The following MCUR1 variants were observed in gnomAD, a reference collection of about 807,000 sequenced individuals.
The protein encoded by MCUR1 is mitochondrial calcium uniporter regulator 1.
MCUR1 carries 37 observed loss-of-function variants against 42.0 expected under a neutral mutation model. The observed-to-expected ratio is 0.88, with a 90% CI of 0.68 to 1.16. MCUR1 has a LOEUF of 1.16. Ranked by LOEUF, MCUR1 falls within the 50% of genes most tolerant of loss-of-function variation. MCUR1 has a pLI of 0.00. For synonymous variants in MCUR1, 229 were observed against 196.2 expected (o/e 1.17, Z -1.40); for missense variants, 469 against 468.4 (o/e 1.00, Z -0.01).
At chr6:13,809,618 G>T (rs937831502) in intron 1 of MCUR1, among the ~76,000 whole-genome samples, 1 of 151,318 alleles carries the variant, frequency 6.6e-6, no homozygotes, top group South Asian at 2.1e-4. Flanking sequence ...ATTGGGTCAG[G>T]TGAACTAGTT....
chr6:13,801,019 A>G (rs772722537), intron 4 of MCUR1, among the ~76,000 whole-genome samples: 5 of 152,190 alleles, frequency 3.3e-5, no homozygotes, highest in Non-Finnish European at 5.9e-5. Flanking sequence ...GACACACAGT[A>G]TGATACCATC....
At position 13,787,477 on chromosome 6, in the gene MCUR1, C is replaced by G. The variant is rs1030139496; in HGVS notation, c.*3332G>C. 5 of 152,170 alleles carry G rather than the reference C, an allele frequency of 3.3e-5. No individual in the cohort carries two copies. The allele number at this position is 152,170 out of a possible 1,614,324, so 9.4% of individuals were successfully genotyped here. ...TGTTTCCAGTAAAGAACCGTACACA[C>G]AAGCAGGTTTTGCTTATTAATGTAG... is the stretch of plus-strand genomic sequence containing the variant. On this transcript the variant is annotated 3_prime_UTR_variant, in exon 9 of 9. Transcript: ENST00000379170.
At position 13,789,526 on chromosome 6, in the gene MCUR1, T is replaced by C. The variant is rs1584980902; in HGVS notation, c.*1283A>G. The C allele has an allele frequency of 6.6e-6, 1 of 152,224 alleles. No homozygotes were observed. Among genetic ancestry groups the C allele is most frequent in the East Asian group, 1.9e-4 (1 of 5,200 alleles). 9.4% of individuals were successfully genotyped at this position (152,224 alleles called of 1,614,324 possible). On this transcript the variant is annotated 3_prime_UTR_variant, in exon 9 of 9. Transcript: ENST00000379170. ...CAGAATTAATCCATCTAGATTAGAA[T>C]GCTGTGTGGCATGACCATTCTCGAA...
At chr6:13,795,157 C>CAAAAA (rs1197831600) in intron 6 of MCUR1, among the ~76,000 whole-genome samples, 5 of 149,684 alleles carry the variant, frequency 3.3e-5, no homozygotes, top group African/African-American at 1.2e-4. Flanking sequence ...GAAAGAGAAA[C>CAAAAA]AAAAACAAAA....
At chr6:13,811,656 G>A (rs866991343) in intron 1 of MCUR1, among the ~76,000 whole-genome samples, 19 of 152,112 alleles carry the variant, frequency 1.2e-4, no homozygotes, top group African/African-American at 4.3e-4. Context: ...AACTCTACTG[G>A]ACTGCCCCAT....
chr6:13,813,972 C>T (rs941296447), intron 1 of MCUR1, 43 bp downstream of exon 1: 12 of 1,227,514 alleles, frequency 9.8e-6, no homozygotes, highest in Non-Finnish European at 1.2e-5. Flanking sequence ...CGCCGTCCAA[C>T]CCCGCGAGAC....
chr6:13,791,759 A>T, intron 8 of MCUR1, 119 bp downstream of exon 8: 7 of 653,470 alleles, frequency 1.1e-5, no homozygotes, highest in Non-Finnish European at 1.5e-5. Flanking sequence ...TTCCAATTTC[A>T]GAGATGTTAA....
chr6:13,786,689 A>C lies in MCUR1; in HGVS notation c.*4120T>G, dbSNP rs979610815. ...TGCAATACAGTTATTCTAGCTTTTC[A>C]TATTCAATTTGAATGATCAGAAAAG... On this transcript the variant is annotated 3_prime_UTR_variant, in exon 9 of 9. Coordinates refer to ENST00000379170, the MANE Select transcript of MCUR1 (RefSeq NM_001031713.4). 2 of 152,190 alleles carry C rather than the reference A, an allele frequency of 1.3e-5. No homozygotes were observed. The highest frequency in any genetic ancestry group is 4.8e-5 in the African/African-American group (2 of 41,454). 9.4% of individuals were successfully genotyped at this position (152,190 alleles called of 1,614,324 possible).
rs1561732769 is a variant in MCUR1, at chr6:13,801,246, TTAATA to T, written c.741+37_741+41del. The T allele has an allele frequency of 3.9e-6, 5 of 1,291,282 alleles. No homozygotes were observed. In the Admixed American group the frequency reaches 5.4e-5, roughly 14 times the overall value. The allele number at this position is 1,291,282 out of a possible 1,614,324, so 80.0% of individuals were successfully genotyped here. A position where few individuals can be genotyped will look rare whatever the true frequency, so the allele number is the denominator to read the frequency against. ...TGTGTATATAATTTATCTCAATGTCTTAATATAATCAACTTTCTAAGTGTGAGAGG... is the reference window on the plus strand; with the variant it reads ...TGTGTATATAATTTATCTCAATGTCTTAATCAACTTTCTAAGTGTGAGAGG... On this transcript the variant is annotated intron_variant, in intron 4 of 8. Transcript: ENST00000379170.
rs1262050968 is a variant in MCUR1 at position 13,789,054 on chromosome 6, G to A, written c.*1755C>T. On this transcript the variant is annotated 3_prime_UTR_variant, in exon 9 of 9. Coordinates refer to ENST00000379170, the MANE Select transcript of MCUR1 (RefSeq NM_001031713.4). ...CTGTATGTGTGTGCAGAGAAAGGCA[G>A]AAAAGCTTCTATCCATGTCATTGTC... is the stretch of plus-strand genomic sequence containing the variant. 1 of 152,232 alleles carries A rather than the reference G, an allele frequency of 6.6e-6. No homozygotes were observed. The highest frequency in any genetic ancestry group is 1.5e-5 in the Non-Finnish European group (1 of 68,046). The allele number at this position is 152,232 out of a possible 1,614,324, so 9.4% of individuals were successfully genotyped here. A position where few individuals can be genotyped will look rare whatever the true frequency, so the allele number is the denominator to read the frequency against.
intron 5 of MCUR1, among the ~76,000 whole-genome samples, 197 bp from the exon 6 acceptor site, chr6:13,799,101 G>A (rs1759928162): frequency 6.6e-6 from 1 of 152,190 alleles, no homozygotes; most frequent in Admixed American, 6.5e-5. Context: ...AGCCACATCT[G>A]GAGGCAGCCT....
At position 13,787,620 on chromosome 6, in the gene MCUR1, G is replaced by A. The variant is rs915656992; in HGVS notation, c.*3189C>T. Reference sequence around the variant, plus strand: ...CCAAGAATGATGAGTGATTCGTGCAGGAGAGGGAAATACAGACGTTCCGTC... The same window carrying A: ...CCAAGAATGATGAGTGATTCGTGCAAGAGAGGGAAATACAGACGTTCCGTC... On this transcript the variant is annotated 3_prime_UTR_variant, in exon 9 of 9. Transcript: ENST00000379170. The A allele has an allele frequency of 2.0e-5, 3 of 152,198 alleles. No homozygotes were observed. The highest frequency in any genetic ancestry group is 1.3e-4 in the Admixed American group (2 of 15,264). The allele number at this position is 152,198 out of a possible 1,614,324, so 9.4% of individuals were successfully genotyped here.
Position 13,814,252 on chromosome 6 carries a change from G to T in MCUR1, c.178C>A (p.Arg60Ser). ...GALRPRAPAA[R>S]GGVSRASPLL... ...GGTGAGGCACGTGACACGCCGCCGC[G>T]GGCCGCCGGGGCGCGAGGGCGCAGC... is the stretch of plus-strand genomic sequence containing the variant. Residue 60 changes from arginine (R) to serine (S), a missense_variant, in exon 1 of 9, where the codon CGC (arginine) becomes AGC (serine). Physicochemically the swap from Arg to Ser is moderately radical, Grantham distance 110. Transcript: ENST00000379170. 6.8e-7 allele frequency: 1 copy of T among 1,473,088 alleles called. No individual in the cohort carries two copies. The highest frequency in any genetic ancestry group is 8.9e-7 in the Non-Finnish European group (1 of 1,119,634). 91.3% of individuals were successfully genotyped at this position (1,473,088 alleles called of 1,614,324 possible).
chr6:13,809,549 T>C (rs568502721), intron 1 of MCUR1, among the ~76,000 whole-genome samples: 2 of 152,214 alleles, frequency 1.3e-5, no homozygotes, highest in South Asian at 4.2e-4. Context: ...GGAGGTGGTA[T>C]AGTATATGGT....
intron 2 of MCUR1, chr6:13,803,788 A>T (rs1760045202): frequency 1.0e-6 from 1 of 985,236 alleles, no homozygotes; most frequent in Admixed American, 6.2e-5. Flanking sequence ...CTGTCTTCCT[A>T]GTTTTTAAAA....
At chr6:13,801,966 A>C (rs1463016672) in intron 3 of MCUR1, among the ~76,000 whole-genome samples, 1 of 152,230 alleles carries the variant, frequency 6.6e-6, no homozygotes. Context: ...TGATGCTATA[A>C]TACTACAATT....
chr6:13,809,154 G>A (rs1176378065), intron 1 of MCUR1, among the ~76,000 whole-genome samples: 2 of 152,264 alleles, frequency 1.3e-5, no homozygotes, highest in East Asian at 3.9e-4. Flanking sequence ...AAAACCACTT[G>A]GGATTTTGAT....
At chr6:13,795,849 T>C (rs1246394662) in intron 6 of MCUR1, among the ~76,000 whole-genome samples, 1 of 152,148 alleles carries the variant, frequency 6.6e-6, no homozygotes, top group East Asian at 1.9e-4. Context: ...CGTCTTCATG[T>C]AACCAAACAC....
intron 6 of MCUR1, among the ~76,000 whole-genome samples, chr6:13,797,955 G>A (rs889727128): frequency 4.0e-5 from 6 of 151,740 alleles, no homozygotes; most frequent in African/African-American, 9.7e-5. Context: ...CCCAGGAGAC[G>A]GAGGTTGCAG....
Sources: gnomAD v4.1 joint callset for allele counts (sites outside exome capture counted in the v4.1 genomes callset) on GRCh38, gnomAD v4.1.1 for gene constraint, MANE v1.5 for transcripts, NCBI Gene and HGNC (gene_info 2026-07-23, HGNC 2026-07-21) for gene names.